The following SLIT3 variants were observed in gnomAD, a reference collection of about 807,000 sequenced individuals.
SLIT3 encodes slit homolog 3 protein.
Under a neutral mutation model 184.0 loss-of-function variants are expected in SLIT3, and 68 were observed. The observed-to-expected ratio is 0.37, with a 90% CI of 0.30 to 0.45. The LOEUF (loss-of-function observed/expected upper bound fraction) is 0.45. Among genes scored for constraint, SLIT3 ranks in the 20% least tolerant of loss-of-function variants. SLIT3 has a pLI of 1.00. For missense variants in SLIT3, 1,707 were observed against 2,026.0 expected (o/e 0.84, Z 3.02); for synonymous variants, 831 against 828.6 (o/e 1.00, Z -0.05).
intron 4 of SLIT3, among the ~76,000 whole-genome samples, chr5:168,916,169 T>C (rs972597843): frequency 6.6e-6 from 1 of 152,216 alleles, no homozygotes; most frequent in Admixed American, 6.5e-5. Flanking sequence ...TAAATCTAAG[T>C]GATGGGCATA....
chr5:168,817,697 A>C (rs547949002), intron 7 of SLIT3, among the ~76,000 whole-genome samples: 3 of 152,208 alleles, frequency 2.0e-5, no homozygotes, highest in Non-Finnish European at 4.4e-5. Context: ...TCATTTTTTA[A>C]TAGCAAGTCC....
At chr5:168,907,955 TATATATATATATATATATATATATAG>T (rs1562000036) in intron 4 of SLIT3, among the ~76,000 whole-genome samples, 6 of 40,694 alleles carry the variant, frequency 1.5e-4, no homozygotes, top group South Asian at 1.1e-3. Context: ...TATATATATA[TATATATATATATATATATATATATAG>T]AGAGAGAGAG....
At chr5:168,902,294 T>C (rs1045966516) in intron 4 of SLIT3, among the ~76,000 whole-genome samples, 3 of 152,168 alleles carry the variant, frequency 2.0e-5, no homozygotes, top group African/African-American at 4.8e-5. Flanking sequence ...GCAAAAGGCA[T>C]AGGTGGGGAA....
intron 4 of SLIT3, among the ~76,000 whole-genome samples, chr5:168,939,888 A>C (rs1762280154): frequency 6.6e-6 from 1 of 152,188 alleles, no homozygotes; most frequent in Admixed American, 6.5e-5. Flanking sequence ...ATATTACTTA[A>C]TTTAATCCTA....
chr5:169,003,879 G>A (rs376613944), intron 4 of SLIT3, among the ~76,000 whole-genome samples: 3 of 152,138 alleles, frequency 2.0e-5, no homozygotes, highest in East Asian at 1.9e-4. Context: ...AGGGGGCAGC[G>A]TTCTCGCTGG....
chr5:169,263,035 T>G (rs566390966), intron 1 of SLIT3, among the ~76,000 whole-genome samples: 1 of 152,296 alleles, frequency 6.6e-6, no homozygotes, highest in East Asian at 1.9e-4. Context: ...ATAGGACTGG[T>G]GTCCTTATTA....
At chr5:169,064,826 G>T (rs183534693) in intron 4 of SLIT3, among the ~76,000 whole-genome samples, 3 of 152,128 alleles carry the variant, frequency 2.0e-5, no homozygotes, top group Admixed American at 1.3e-4. Context: ...CTCCCAGAAC[G>T]TTACACCTAT....
chr5:169,129,554 CAA>C (rs1292208299), intron 4 of SLIT3, among the ~76,000 whole-genome samples: 3 of 151,128 alleles, frequency 2.0e-5, no homozygotes, highest in African/African-American at 4.9e-5. Context: ...TCAGTCCCCC[CAA>C]AAAAAAGTTC....
At chr5:169,263,583 C>A in intron 1 of SLIT3, 1 of 469,372 alleles carries the variant, frequency 2.1e-6, no homozygotes, top group Non-Finnish European at 4.3e-6. Context: ...TGTTGTAAGG[C>A]ACCCAGTTTG....
chr5:169,244,798 T>A (rs772645877), intron 2 of SLIT3, 22 bp from the exon 3 acceptor site: 19 of 1,610,996 alleles, frequency 1.2e-5, no homozygotes, highest in Non-Finnish European at 1.5e-5. Context: ...GAGACAGCAA[T>A]GACTAAGGAC....
intron 4 of SLIT3, among the ~76,000 whole-genome samples, chr5:169,020,355 G>C (rs1011433156): frequency 7.9e-5 from 12 of 152,150 alleles, no homozygotes; most frequent in African/African-American, 1.2e-4. Context: ...GGCTTGGTCC[G>C]TGAAACTTCC....
At chr5:168,993,861 G>T (rs1755417104) in intron 4 of SLIT3, among the ~76,000 whole-genome samples, 1 of 152,202 alleles carries the variant, frequency 6.6e-6, no homozygotes, top group Admixed American at 6.5e-5. Context: ...AAAGCCCTTG[G>T]GTTTCTCTTG....
chr5:168,753,077 G>T lies in SLIT3; in HGVS notation c.1851C>A (p.Ile617=), dbSNP rs533167769. Residue 617 remains isoleucine (I), a synonymous_variant, in exon 18 of 36, where the codon ATC becomes ATA. Transcript: ENST00000519560. ...CAAAGGTGTCATTACTCACACAGCC[G>T]ATCAAGTTACTCCTCAGCATCCTAC... The part of the protein sequence containing the change: ...LKTLMLRSNL[I]GCVSNDTFAG... 7 of 1,613,974 alleles carry T rather than the reference G, an allele frequency of 4.3e-6. No individual in the cohort carries two copies. The South Asian group carries it at 7.7e-5, about 18-fold the overall frequency.
chr5:168,842,442 C>G lies in SLIT3; in HGVS notation c.557+2142G>C, dbSNP rs144383162. On this transcript the variant is annotated intron_variant, in intron 6 of 35. Coordinates refer to ENST00000519560, the MANE Select transcript of SLIT3 (RefSeq NM_003062.4). The stretch of plus-strand genomic sequence containing the variant: ...TTTTTAAAGCTTCAACTTGGAGACA[C>G]CTGGTGCATCTGGATACCGTTTTTT... 8.5e-3 allele frequency among the ~76,000 whole-genome samples: 1,244 copies of G among 146,190 alleles called. 25 individuals are homozygous for G. The highest frequency in any genetic ancestry group is 0.031 in the African/African-American group (1,195 of 38,040).
rs747383086 is a variant in SLIT3 at position 168,748,353 on chromosome 5, T to C, written c.2219A>G (p.Asn740Ser). The change falls in exon 20 of 36, where the codon AAC becomes AGC. Residue 740 changes from asparagine to serine, a missense_variant. Physicochemically the swap from Asn to Ser is conservative, Grantham distance 46. This residue lies in a region of SLIT3 where 1,307 missense variants were observed against 1,511.6 expected (regional missense o/e 0.86). Coordinates refer to ENST00000519560, the MANE Select transcript of SLIT3 (RefSeq NM_003062.4). ...TCTGGGGAGGGCGCGGAGCCCCTTG[T>C]TGCTGCATCGCACCACTGTCTCCAT... is the stretch of plus-strand genomic sequence containing the variant. ...TCMETVVRCS[N>S]KGLRALPRGM... 10 of 1,500,698 alleles carry C rather than the reference T, an allele frequency of 6.7e-6. No individual in the cohort carries two copies. In the South Asian group the frequency reaches 1.1e-4, roughly 16 times the overall value. The allele number at this position is 1,500,698 out of a possible 1,614,324, so 93.0% of individuals were successfully genotyped here. A position where few individuals can be genotyped will look rare whatever the true frequency, so the allele number is the denominator to read the frequency against.
chr5:169,289,216 C>A (rs986166531), intron 1 of SLIT3, among the ~76,000 whole-genome samples: 12 of 152,196 alleles, frequency 7.9e-5, no homozygotes, highest in Non-Finnish European at 1.6e-4. Flanking sequence ...GGCTTACATC[C>A]AAATTGTACT....
chr5:168,678,983 TG>T (rs947028617), intron 32 of SLIT3, among the ~76,000 whole-genome samples: 7 of 152,246 alleles, frequency 4.6e-5, no homozygotes, highest in Non-Finnish European at 8.8e-5. Context: ...GTTGTCAGGG[TG>T]GGGCTGGACG....
rs1480323617 is a variant in SLIT3, at chr5:168,746,653, T to TG, written c.2270+1648dup. On this transcript the variant is annotated intron_variant, in intron 20 of 35. Transcript: ENST00000519560. Reference sequence around the variant, plus strand: ...GTGGTGGTGTGTAGTGGTGTGGGTGTGTGGTGTGTGAGTGTGGTGGTATGG... The same window carrying TG: ...GTGGTGGTGTGTAGTGGTGTGGGTGTGGTGGTGTGTGAGTGTGGTGGTATGG... Among the ~76,000 whole-genome samples the TG allele has an allele frequency of 2.7e-3, 232 of 86,874 alleles. 62 individuals carry two copies. The highest frequency in any genetic ancestry group is 4.6e-3 in the Non-Finnish European group (196 of 42,544). 57.0% of individuals were successfully genotyped at this position (86,874 alleles called of 152,430 possible). A position where few individuals can be genotyped will look rare whatever the true frequency, so the allele number is the denominator to read the frequency against.
At chr5:169,040,859 A>G (rs1170341731) in intron 4 of SLIT3, among the ~76,000 whole-genome samples, 1 of 152,176 alleles carries the variant, frequency 6.6e-6, no homozygotes, top group Non-Finnish European at 1.5e-5. Flanking sequence ...GCTACCCATA[A>G]ACAGCGGCAA....
Sources: allele counts gnomAD v4.1 joint callset (sites outside exome capture counted in the v4.1 genomes callset), GRCh38; gene constraint gnomAD v4.1.1; regional missense constraint gnomAD v4.1.1; transcripts MANE v1.5; gene names NCBI Gene and HGNC (gene_info 2026-07-23, HGNC 2026-07-21).